The following PINX1 variants were observed in gnomAD, a reference collection of about 807,000 sequenced individuals.
PINX1 encodes the protein PIN2 (TERF1) interacting telomerase inhibitor 1.
A neutral mutation model predicts 25.4 loss-of-function variants in PINX1; 34 were observed. The ratio of observed to expected loss-of-function variants is 1.34; its 90% confidence interval spans 1.02 to 1.78. PINX1 has a LOEUF of 1.78. Among genes scored for constraint, PINX1 ranks in the 40% most tolerant of loss-of-function variants. PINX1 has a pLI of 0.00. For missense variants in PINX1, 592 were observed against 404.9 expected (o/e 1.46, Z -3.97); for synonymous variants, 197 against 147.7 (o/e 1.33, Z -2.42).
chr8:10,839,607 C>CCCCGA, intron 1 of PINX1, 131 bp downstream of exon 1: 2 of 917,568 alleles, frequency 2.2e-6, no homozygotes, highest in Non-Finnish European at 3.4e-6. Flanking sequence ...CCGGGCTCGG[C>CCCCGA]TCCCCGGTCC....
chr8:10,794,807 G>C (rs1308560532), intron 6 of PINX1, among the ~76,000 whole-genome samples: 1 of 152,140 alleles, frequency 6.6e-6, no homozygotes. Flanking sequence ...CCGAGTGCAT[G>C]TATGTTTTTA....
At chr8:10,808,718 A>C (rs1017694485) in intron 6 of PINX1, among the ~76,000 whole-genome samples, 2 of 152,234 alleles carry the variant, frequency 1.3e-5, no homozygotes, top group Admixed American at 6.5e-5. Flanking sequence ...AGGAAAAGAT[A>C]ATTTCATCTT....
chr8:10,787,158 TTATA>T (rs149669854), intron 6 of PINX1, among the ~76,000 whole-genome samples: 3 of 151,844 alleles, frequency 2.0e-5, no homozygotes, highest in Non-Finnish European at 2.9e-5. Flanking sequence ...ATTTGATATA[TTATA>T]TATATAAATG....
At chr8:10,803,430 G>C (rs1357514405) in intron 6 of PINX1, among the ~76,000 whole-genome samples, 1 of 152,124 alleles carries the variant, frequency 6.6e-6, no homozygotes, top group African/African-American at 2.4e-5. Flanking sequence ...GCCTACACTA[G>C]CGCATGATAC....
At position 10,803,322 on chromosome 8, in the gene PINX1, A is replaced by G. The variant is rs201715392; in HGVS notation, c.471+16871T>C. 2.6e-5 allele frequency among the ~76,000 whole-genome samples: 4 copies of G among 152,176 alleles called. No individual in the cohort carries two copies. The East Asian group carries it at 7.7e-4, about 29-fold the overall frequency. ...ACAGTGCCATTAGCACATCTAATCA[A>G]ACAGACAATAATTTCTTGGCATCTA... On this transcript the variant is annotated intron_variant, in intron 6 of 6. Coordinates refer to ENST00000314787, the MANE Select transcript of PINX1 (RefSeq NM_017884.6).
intron 6 of PINX1, among the ~76,000 whole-genome samples, chr8:10,811,771 C>T (rs1036902316): frequency 1.3e-5 from 2 of 152,270 alleles, no homozygotes; most frequent in East Asian, 1.9e-4. Flanking sequence ...GGCAGCTGGA[C>T]TATTTACATG....
At position 10,827,910 on chromosome 8, in the gene PINX1, C is replaced by CAA. The variant is rs35913986; in HGVS notation, c.302-1668_302-1667dup. On this transcript the variant is annotated intron_variant, in intron 4 of 6. Coordinates refer to ENST00000314787, the MANE Select transcript of PINX1 (RefSeq NM_017884.6). The stretch of plus-strand genomic sequence containing the variant: ...TGGGTGACAGAGCGAGACTCCATCT[C>CAA]AAAAAAAAAAAAAAAAAAAATCCAA... 5.8e-3 allele frequency among the ~76,000 whole-genome samples: 478 copies of CAA among 82,140 alleles called. 6 individuals are homozygous for CAA. Among genetic ancestry groups the CAA allele is most frequent in the South Asian group, 7.5e-3 (17 of 2,252 alleles). The allele number at this position is 82,140 out of a possible 152,430, so 53.9% of individuals were successfully genotyped here. A position where few individuals can be genotyped will look rare whatever the true frequency, so the allele number is the denominator to read the frequency against.
intron 5 of PINX1, among the ~76,000 whole-genome samples, chr8:10,824,157 CACTT>C (rs1797964552): frequency 6.6e-6 from 1 of 152,158 alleles, no homozygotes; most frequent in African/African-American, 2.4e-5. Context: ...ACTTAATAGT[CACTT>C]ACAAATGTAT....
At chr8:10,825,357 A>C (rs1350293893) in intron 5 of PINX1, 7 of 534,832 alleles carry the variant, frequency 1.3e-5, no homozygotes, top group South Asian at 9.8e-5. Flanking sequence ...AAGAACCATC[A>C]ACAGAGACTA....
At chr8:10,781,460 T>C (rs1017563982) in intron 6 of PINX1, among the ~76,000 whole-genome samples, 7 of 152,078 alleles carry the variant, frequency 4.6e-5, no homozygotes, top group African/African-American at 1.4e-4. Flanking sequence ...TGATATAAAG[T>C]TAATATCTGA....
chr8:10,836,913 C>T (rs529570992), intron 1 of PINX1, among the ~76,000 whole-genome samples: 2 of 150,566 alleles, frequency 1.3e-5, no homozygotes, highest in Non-Finnish European at 2.9e-5. Flanking sequence ...TGTGGAAAAT[C>T]ATGGTAAGGA....
chr8:10,812,268 C>A (rs1042504958), intron 6 of PINX1, among the ~76,000 whole-genome samples: 1 of 152,200 alleles, frequency 6.6e-6, no homozygotes, highest in Non-Finnish European at 1.5e-5. Flanking sequence ...ATGTAAGAAT[C>A]AAGAAGAATC....
At chr8:10,815,335 T>C (rs915467688) in intron 6 of PINX1, among the ~76,000 whole-genome samples, 1 of 152,226 alleles carries the variant, frequency 6.6e-6, no homozygotes, top group Non-Finnish European at 1.5e-5. Flanking sequence ...TGCATTTAGC[T>C]TGGATTGTTG....
At chr8:10,808,783 C>T (rs1339312744) in intron 6 of PINX1, among the ~76,000 whole-genome samples, 2 of 152,180 alleles carry the variant, frequency 1.3e-5, no homozygotes, top group Admixed American at 6.5e-5. Flanking sequence ...CAAAACCAAT[C>T]GGCCTATCTG....
At chr8:10,799,886 T>C (rs1214611930) in intron 6 of PINX1, among the ~76,000 whole-genome samples, 1 of 152,228 alleles carries the variant, frequency 6.6e-6, no homozygotes, top group African/African-American at 2.4e-5. Flanking sequence ...AGGGAACATG[T>C]TCTCAACCAC....
At chr8:10,791,999 C>G (rs928681849) in intron 6 of PINX1, among the ~76,000 whole-genome samples, 3 of 152,196 alleles carry the variant, frequency 2.0e-5, no homozygotes, top group African/African-American at 7.2e-5. Flanking sequence ...ACTCTTAACT[C>G]TCCGTGCTGG....
chr8:10,767,360 G>C (rs1023949951), intron 6 of PINX1, among the ~76,000 whole-genome samples: 1 of 151,932 alleles, frequency 6.6e-6, no homozygotes, highest in Non-Finnish European at 1.5e-5. Flanking sequence ...ATGGACAATT[G>C]GGCCTTCAGT....
chr8:10,825,807 A>C (rs968624480), intron 5 of PINX1, among the ~76,000 whole-genome samples: 16 of 152,260 alleles, frequency 1.1e-4, no homozygotes, highest in Non-Finnish European at 2.9e-5. Flanking sequence ...AACACCATGC[A>C]GCTAAAAATG....
chr8:10,766,528 G>C, intron 6 of PINX1, among the ~76,000 whole-genome samples: 1 of 152,214 alleles, frequency 6.6e-6, no homozygotes, highest in Non-Finnish European at 1.5e-5. Context: ...GGAGGGCAGA[G>C]TGGAGACTCC....
Sources: gnomAD v4.1 joint callset for allele counts (sites outside exome capture counted in the v4.1 genomes callset) on GRCh38, gnomAD v4.1.1 for gene constraint, MANE v1.5 for transcripts, NCBI Gene and HGNC (gene_info 2026-07-23, HGNC 2026-07-21) for gene names.